Variants in ZNF786 observed in about 807,000 individuals in gnomAD.
The protein encoded by ZNF786 is zinc finger protein 786.
Under a neutral mutation model 63.1 loss-of-function variants are expected in ZNF786, and 56 were observed. The ratio of observed to expected loss-of-function variants is 0.89; its 90% confidence interval spans 0.72 to 1.11. ZNF786 has a LOEUF of 1.11. ZNF786 is among the 50% of genes least tolerant of loss of function. The probability of loss-of-function intolerance (pLI) is 0.00; values close to 1 mark genes in which losing one functional copy is unlikely to be tolerated. For missense variants in ZNF786, 1,213 were observed against 1,041.8 expected (o/e 1.16, Z -2.26); for synonymous variants, 485 against 406.9 (o/e 1.19, Z -2.31).
Position 149,070,619 on chromosome 7 carries a change from T to C in ZNF786, c.2153A>G (p.His718Arg), listed in dbSNP as rs1825384528. The part of the protein sequence containing the change: ...ECDKNFRERG[H>R]MLRHQRIHRP... ...GTGGATGCGCTGGTGCCTCAGCATG[T>C]GTCCCCTTTCCCGGAAGTTCTTGTC... The change falls in exon 4 of 4, where the codon CAC becomes CGC. Residue 718 changes from histidine (H) to arginine (R), a missense_variant. Coordinates refer to ENST00000491431, the MANE Select transcript of ZNF786 (RefSeq NM_152411.4). 1 of 1,613,886 alleles carries C rather than the reference T, an allele frequency of 6.2e-7. No homozygotes were observed. The highest frequency in any genetic ancestry group is 1.1e-5 in the South Asian group (1 of 91,088).
intron 3 of ZNF786, among the ~76,000 whole-genome samples, chr7:149,073,794 GT>G (rs1164732378): frequency 9.9e-4 from 73 of 73,980 alleles, no homozygotes; most frequent in African/African-American, 2.9e-3. Flanking sequence ...TATATATATA[GT>G]TTTTTTTTTG....
At chr7:149,077,135 A>G (rs1825566170) in intron 2 of ZNF786, among the ~76,000 whole-genome samples, 1 of 152,254 alleles carries the variant, frequency 6.6e-6, no homozygotes, top group Non-Finnish European at 1.5e-5. Context: ...TGATAAGACA[A>G]TCAGTCACGT....
chr7:149,075,659 T>TTTTTTG (rs1825533399), intron 2 of ZNF786, among the ~76,000 whole-genome samples: 1 of 108,692 alleles, frequency 9.2e-6, no homozygotes, highest in African/African-American at 3.6e-5. Context: ...CTTCAGGTTT[T>TTTTTTG]TTTTTTTTTT....
chr7:149,089,339 G>C (rs761583848), intron 1 of ZNF786, among the ~76,000 whole-genome samples: 3 of 151,636 alleles, frequency 2.0e-5, no homozygotes, highest in East Asian at 1.9e-4. Flanking sequence ...TTTTGAGATA[G>C]AGTCTCGCTC....
chr7:149,085,852 G>A (rs1825728087), intron 1 of ZNF786, among the ~76,000 whole-genome samples: 1 of 152,256 alleles, frequency 6.6e-6, no homozygotes, highest in Non-Finnish European at 1.5e-5. Flanking sequence ...AGATGTGAAT[G>A]GGACTGTATT....
Position 149,074,418 on chromosome 7 carries a change from A to C in ZNF786, c.266T>G (p.Phe89Cys). The C allele has an allele frequency of 6.2e-7, 1 of 1,613,918 alleles. No individual in the cohort carries two copies. Among genetic ancestry groups the C allele is most frequent in the Non-Finnish European group, 8.5e-7 (1 of 1,179,836 alleles). ...NIICSSVDMH[F>C]DPGFEEQLFW... The stretch of plus-strand genomic sequence containing the variant: ...CAGCTGTTCCTCAAAACCTGGATCA[A>C]AATGCATATCAACAGAGGAGCAAAT... Residue 89 changes from phenylalanine (F) to cysteine (C), a missense_variant, in exon 3 of 4, where the codon TTT becomes TGT. Physicochemically the swap from Phe to Cys is radical, Grantham distance 205. Transcript: ENST00000491431.
rs1476477492 is a variant in ZNF786 at position 149,090,656 on chromosome 7, G to A, written c.-16C>T. On this transcript the variant is annotated 5_prime_UTR_variant, in exon 1 of 4. Transcript: ENST00000491431. ...GCTCCGCCATGGTCCCCGCGGTCCC[G>A]CCCGGCCCTGGCAAACCCGACCGTC... 3 of 1,582,428 alleles carry A rather than the reference G, an allele frequency of 1.9e-6. No individual in the cohort carries two copies. The highest frequency in any genetic ancestry group is 1.7e-5 in the Admixed American group (1 of 57,966).
Position 149,072,248 on chromosome 7 carries a change from C to A in ZNF786, c.524G>T (p.Gly175Val). 6.2e-7 allele frequency: 1 copy of A among 1,613,474 alleles called. No individual in the cohort carries two copies. The highest frequency in any genetic ancestry group is 8.5e-7 in the Non-Finnish European group (1 of 1,179,742). The change falls in exon 4 of 4, where the codon GGT becomes GTT. Residue 175 changes from glycine to valine, a missense_variant. Coordinates refer to ENST00000491431, the MANE Select transcript of ZNF786 (RefSeq NM_152411.4). The part of the protein sequence containing the change: ...IPGPRNLDLP[G>V]LWDVPAWEST... ...CTCCCAGGCGGGGACGTCCCACAAA[C>A]CAGGAAGATCCAGATTTCTGGGACC...
rs1444855682 is a variant in ZNF786 at position 149,090,691 on chromosome 7, T to G, written c.-51A>C. ...GGCAAACCCGACCGTCTCCGGCGGC[T>G]CCGCAGGAACCTGCCCTGCTGCGCA... is the stretch of plus-strand genomic sequence containing the variant. On this transcript the variant is annotated 5_prime_UTR_variant, in exon 1 of 4. Transcript: ENST00000491431. 2 of 1,559,478 alleles carry G rather than the reference T, an allele frequency of 1.3e-6. No individual in the cohort carries two copies. The highest frequency in any genetic ancestry group is 8.7e-7 in the Non-Finnish European group (1 of 1,151,434).
At position 149,081,139 on chromosome 7, in the gene ZNF786, T is replaced by C. The variant is rs140732969; in HGVS notation, c.19-422A>G. 1,131 of 456,544 alleles carry C rather than the reference T, an allele frequency of 2.5e-3. 5 individuals are homozygous for C. Among genetic ancestry groups the C allele is most frequent in the Non-Finnish European group, 3.8e-3 (860 of 227,082 alleles). 28.3% of individuals were successfully genotyped at this position (456,544 alleles called of 1,614,324 possible). A position where few individuals can be genotyped will look rare whatever the true frequency, so the allele number is the denominator to read the frequency against. On this transcript the variant is annotated intron_variant, in intron 1 of 3. Coordinates refer to ENST00000491431, the MANE Select transcript of ZNF786 (RefSeq NM_152411.4). ...GATGGGACATATAGTTTGTTTCCCT[T>C]ATAAATTACAGTATTCAGCCAGGCG...
chr7:149,077,069 T>C (rs1362201928), intron 2 of ZNF786, among the ~76,000 whole-genome samples: 2 of 152,224 alleles, frequency 1.3e-5, no homozygotes, highest in African/African-American at 4.8e-5. Context: ...CAACACACGA[T>C]GCTATCAGAT....
intron 1 of ZNF786, chr7:149,082,577 C>T: frequency 1.2e-6 from 1 of 823,860 alleles, no homozygotes; most frequent in Non-Finnish European, 1.4e-6. Flanking sequence ...TATCTTGTTC[C>T]AACTTAAATT....
chr7:149,070,786 C>T lies in ZNF786; in HGVS notation c.1986G>A (p.Lys662=), dbSNP rs755402311. The change falls in exon 4 of 4, where the codon AAG becomes AAA. Residue 662 remains lysine (K), a synonymous_variant. Transcript: ENST00000491431. ...TGTGCGTTCTGATGTGCTCGATGAG[C>T]TTTGAGTGTTTCACAAAGCCCTTGC... The part of the protein sequence containing the change: ...ECGKGFVKHS[K]LIEHIRTHTG... 3.5e-5 allele frequency: 56 copies of T among 1,613,816 alleles called. No homozygotes were observed. The highest frequency in any genetic ancestry group is 4.5e-5 in the Non-Finnish European group (53 of 1,179,946).
rs758887898 is a variant in ZNF786 at position 149,080,642 on chromosome 7, C to A, written c.94G>T (p.Glu32Ter). The change falls in exon 2 of 4, where the codon GAA (glutamate) becomes TAA (stop). Residue 32 changes from glutamate to a stop codon, truncating the protein, a stop_gained. Coordinates refer to ENST00000491431, the MANE Select transcript of ZNF786 (RefSeq NM_152411.4). LOFTEE classifies it high-confidence loss of function. ...CTTCTCATCACATGCTTGTAAAGTT[C>A]CTTCTGCCATGCCTCTAGATCCTGC... The part of the protein sequence containing the change: ...EWQDLEAWQK[E>*]LYKHVMRSNY... The A allele has an allele frequency of 6.2e-7, 1 of 1,613,030 alleles. No individual in the cohort carries two copies. The highest frequency in any genetic ancestry group is 1.7e-4 in the Middle Eastern group (1 of 6,054).
intron 1 of ZNF786, among the ~76,000 whole-genome samples, chr7:149,083,847 A>G: frequency 6.6e-6 from 1 of 152,134 alleles, no homozygotes. Context: ...AGCTCCATCC[A>G]TCTTTCTGCA....
chr7:149,087,358 A>T (rs1334832370), intron 1 of ZNF786, among the ~76,000 whole-genome samples: 1 of 152,242 alleles, frequency 6.6e-6, no homozygotes, highest in Non-Finnish European at 1.5e-5. Context: ...TCTATAAGAA[A>T]CACTAGATTA....
intron 2 of ZNF786, 109 bp downstream of exon 2, chr7:149,080,482 A>C: frequency 2.6e-6 from 3 of 1,152,502 alleles, no homozygotes; most frequent in Non-Finnish European, 3.5e-6. Context: ...TACCCTTCTG[A>C]GTTAATTTCT....
At chr7:149,080,796 A>G (rs1825638881) in intron 1 of ZNF786, 79 bp from the exon 2 acceptor site, 1 of 1,500,948 alleles carries the variant, frequency 6.7e-7, no homozygotes, top group Non-Finnish European at 8.9e-7. Context: ...TTAATTTAAA[A>G]GACTTCTGCA....
chr7:149,086,506 TA>T (rs1210300960), intron 1 of ZNF786, among the ~76,000 whole-genome samples: 3 of 152,164 alleles, frequency 2.0e-5, no homozygotes, highest in African/African-American at 7.2e-5. Context: ...CAGGGGCCTG[TA>T]ATCCCGGCTA....
Sources: gnomAD v4.1 joint callset for allele counts (sites outside exome capture counted in the v4.1 genomes callset) on GRCh38, gnomAD v4.1.1 for gene constraint, MANE v1.5 for transcripts, NCBI Gene and HGNC (gene_info 2026-07-23, HGNC 2026-07-21) for gene names.